The following LUZP4 variants were observed in gnomAD, a reference collection of about 807,000 sequenced individuals.
LUZP4 encodes leucine zipper protein 4.
A neutral mutation model predicts 8.5 loss-of-function variants in LUZP4; 11 were observed. The ratio of observed to expected loss-of-function variants is 1.30; its 90% confidence interval spans 0.82 to 2.14. The LOEUF is 2.14. Ranked by LOEUF, LUZP4 falls within the 30% of genes most tolerant of loss-of-function variation. LUZP4 has a pLI of 0.00. For missense variants in LUZP4, 276 were observed against 229.7 expected, an observed-to-expected ratio of 1.20 and a Z score of -1.30; for synonymous variants, 104 against 79.4, an observed-to-expected ratio of 1.31 and a Z score of -1.65.
rs2073422611 is a variant in LUZP4, at chrX:115,306,543, T to C, written c.681T>C (p.Gly227=). Residue 227 remains glycine (G), a synonymous_variant, in exon 4 of 4, where the codon GGT becomes GGC. Transcript: ENST00000371920. The stretch of plus-strand genomic sequence containing the variant: ...ATGGTCACTCAGAGAGATCTCATGG[T>C]CACTCAAAGAGATCTCGTAGCCAGG... ...RSHGHSERSH[G]HSKRSRSQGD... The C allele has an allele frequency of 2.5e-6, 3 of 1,207,344 alleles. No individual in the cohort carries two copies. Among genetic ancestry groups the C allele is most frequent in the Non-Finnish European group, 3.4e-6 (3 of 894,514 alleles).
Position 115,303,427 on chromosome X carries a change from G to C in LUZP4, c.342+9G>C. 1 of 965,238 alleles carries C rather than the reference G, an allele frequency of 1.0e-6. No homozygotes were observed. Among genetic ancestry groups the C allele is most frequent in the Non-Finnish European group, 1.4e-6 (1 of 700,532 alleles). 79.5% of individuals were successfully genotyped at this position (965,238 alleles called of 1,213,427 possible). A position where few individuals can be genotyped will look rare whatever the true frequency, so the allele number is the denominator to read the frequency against. On this transcript the variant is annotated intron_variant, in intron 3 of 3. Coordinates refer to ENST00000371920, the MANE Select transcript of LUZP4 (RefSeq NM_016383.5). ...AGCCTTTAATTGAGCAGGTAGATAA[G>C]TACCAAGAATTAACCAATATTAAAA...
chrX:115,291,050 C>T (rs918198465), intron 1 of LUZP4, among the ~76,000 whole-genome samples: 1 of 111,209 alleles, frequency 9.0e-6, no homozygotes, highest in Non-Finnish European at 1.9e-5. Context: ...CCGCCCTTCT[C>T]GGCCTCCCAA....
In LUZP4 at chrX:115,306,203, A is replaced by T; in HGVS notation, c.343-2A>T. ...GTTTTGAATAATTGGGATCCTTTTCAGGAGAAGTGCAGTGACAATTATGAG... is the reference window on the plus strand; with the variant it reads ...GTTTTGAATAATTGGGATCCTTTTCTGGAGAAGTGCAGTGACAATTATGAG... On this transcript the variant is annotated splice_acceptor_variant, in intron 3 of 3. Coordinates refer to ENST00000371920, the MANE Select transcript of LUZP4 (RefSeq NM_016383.5). LOFTEE classifies it high-confidence loss of function. The T allele has an allele frequency of 8.3e-7, 1 of 1,201,897 alleles. No individual in the cohort carries two copies. Among genetic ancestry groups the T allele is most frequent in the Non-Finnish European group, 1.1e-6 (1 of 890,694 alleles).
intron 1 of LUZP4, among the ~76,000 whole-genome samples, chrX:115,297,793 C>T (rs782392090): frequency 6.7e-4 from 74 of 110,446 alleles, no homozygotes; most frequent in African/African-American, 2.3e-3. Context: ...ATATTGATAT[C>T]TTTCTCTAGG....
intron 1 of LUZP4, among the ~76,000 whole-genome samples, chrX:115,293,108 T>A (rs1193146892): frequency 8.2e-5 from 9 of 110,428 alleles, no homozygotes; most frequent in Non-Finnish European, 1.7e-4. Flanking sequence ...AAAAAAAAAA[T>A]TTGTTAATAG....
chrX:115,289,834 C>T lies in LUZP4; in HGVS notation c.75C>T (p.Phe25=), dbSNP rs782371289. Reference sequence around the variant, plus strand: ...ATCCCAGTCGGAAAAAGGTTAACTTCCTAGATATGTCTCTAGGTATGTAGA... The same window carrying T: ...ATCCCAGTCGGAAAAAGGTTAACTTTCTAGATATGTCTCTAGGTATGTAGA... ...PNHPSRKKVN[F]LDMSLDDIII... The change falls in exon 1 of 4, where the codon TTC becomes TTT. Residue 25 remains phenylalanine (F), a synonymous_variant. Coordinates refer to ENST00000371920, the MANE Select transcript of LUZP4 (RefSeq NM_016383.5). The T allele has an allele frequency of 8.3e-7, 1 of 1,198,244 alleles. No individual in the cohort carries two copies. Among genetic ancestry groups the T allele is most frequent in the African/African-American group, 1.8e-5 (1 of 56,764 alleles).
chrX:115,294,518 G>A (rs1225183468), intron 1 of LUZP4, among the ~76,000 whole-genome samples: 1 of 111,685 alleles, frequency 9.0e-6, no homozygotes, highest in Non-Finnish European at 1.9e-5. Flanking sequence ...GCTCACGTTT[G>A]GGTAGCCAGC....
intron 3 of LUZP4, among the ~76,000 whole-genome samples, chrX:115,304,795 GA>G (rs1193318960): frequency 2.6e-4 from 27 of 103,125 alleles, no homozygotes; most frequent in African/African-American, 6.0e-4. Context: ...GAACTCACTA[GA>G]AAAAAAAAAT....
intron 3 of LUZP4, among the ~76,000 whole-genome samples, chrX:115,304,488 T>C (rs1556602923): frequency 8.9e-6 from 1 of 111,886 alleles, no homozygotes; most frequent in Admixed American, 9.6e-5. Flanking sequence ...AACAATATTT[T>C]CAAATTGAAA....
intron 1 of LUZP4, among the ~76,000 whole-genome samples, chrX:115,293,375 C>T (rs1282213806): frequency 3.7e-5 from 4 of 109,491 alleles, no homozygotes; most frequent in African/African-American, 1.3e-4. Flanking sequence ...ACTTCCTGGG[C>T]TCAGGCAATC....
intron 1 of LUZP4, among the ~76,000 whole-genome samples, chrX:115,298,681 G>C (rs1392667458): frequency 8.9e-6 from 1 of 111,796 alleles, no homozygotes; most frequent in African/African-American, 3.2e-5. Context: ...ACATTTATCT[G>C]ATAGAATTCT....
rs141777728 is a variant in LUZP4, at chrX:115,292,617, T to C, written c.91+2767T>C. Among the ~76,000 whole-genome samples the C allele has an allele frequency of 1.1e-3, 117 of 110,669 alleles. 1 individual carries two copies. The East Asian group carries it at 0.015, about 14-fold the overall frequency. ...CTAATCTGCTTGCCTTTCATTCTTTTTCTTGACTAATTGCTCTGGATGGAA... is the reference window on the plus strand; with the variant it reads ...CTAATCTGCTTGCCTTTCATTCTTTCTCTTGACTAATTGCTCTGGATGGAA... On this transcript the variant is annotated intron_variant, in intron 1 of 3. Transcript: ENST00000371920.
chrX:115,293,007 C>T (rs926962517), intron 1 of LUZP4, among the ~76,000 whole-genome samples: 1 of 110,832 alleles, frequency 9.0e-6, no homozygotes, highest in African/African-American at 3.3e-5. Flanking sequence ...ATTAAAATGA[C>T]TTTAAAAATA....
chrX:115,290,862 A>C (rs782605691), intron 1 of LUZP4, among the ~76,000 whole-genome samples: 1 of 111,786 alleles, frequency 8.9e-6, no homozygotes, highest in African/African-American at 3.2e-5. Context: ...GGCTCAGTGC[A>C]GCCTCCGCCC....
Position 115,306,641 on chromosome X carries a change from T to C in LUZP4, c.779T>C (p.Ile260Thr), listed in dbSNP as rs201101376. The C allele has an allele frequency of 7.5e-5, 91 of 1,208,316 alleles. No homozygotes were observed. Among genetic ancestry groups the C allele is most frequent in the Non-Finnish European group, 1.0e-4 (90 of 894,856 alleles). ...CTCATAGCCACTCAGAAAGATCTCA[T>C]AGCCACTCAGAGAGATCTCATAGCC... is the stretch of plus-strand genomic sequence containing the variant. ...RDLIATQKDL[I>T]ATQRDLIATQ... is the part of the protein sequence containing the mutation. The change falls in exon 4 of 4, where the codon ATA becomes ACA. Residue 260 changes from isoleucine (I) to threonine (T), a missense_variant. Transcript: ENST00000371920.
At position 115,306,828 on chromosome X, in the gene LUZP4, C is replaced by G. The variant is rs1556604613; in HGVS notation, c.*24C>G. On this transcript the variant is annotated 3_prime_UTR_variant, in exon 4 of 4. Transcript: ENST00000371920. ...AATCATCAGAACAATGTGTTGAATT[C>G]TGTGGAAATAGAAAAGCATATATCT... The G allele has an allele frequency of 2.6e-6, 3 of 1,168,043 alleles. No homozygotes were observed. In the African/African-American group the frequency reaches 5.3e-5, roughly 21 times the overall value.
chrX:115,304,635 C>T (rs1556602999), intron 3 of LUZP4, among the ~76,000 whole-genome samples: 1 of 109,959 alleles, frequency 9.1e-6, no homozygotes, highest in African/African-American at 3.3e-5. Flanking sequence ...CTTCAGCCTC[C>T]CAAGTAGCTG....
chrX:115,298,596 T>C (rs2073381572), intron 1 of LUZP4, among the ~76,000 whole-genome samples: 1 of 112,759 alleles, frequency 8.9e-6, no homozygotes, highest in African/African-American at 3.2e-5. Flanking sequence ...CTCTGCATTC[T>C]TCAGTATGCC....
chrX:115,300,279 C>T (rs1362090796), intron 1 of LUZP4, among the ~76,000 whole-genome samples: 2 of 112,005 alleles, frequency 1.8e-5, no homozygotes, highest in Admixed American at 9.5e-5. Context: ...AGTTGCAGTC[C>T]TTATGGCCTA....
Sources: gnomAD v4.1 joint callset for allele counts (sites outside exome capture counted in the v4.1 genomes callset) on GRCh38, gnomAD v4.1.1 for gene constraint, MANE v1.5 for transcripts, NCBI Gene and HGNC (gene_info 2026-07-23, HGNC 2026-07-21) for gene names.